ART1: variants seen among roughly 807,000 people sequenced by gnomAD.
ART1 encodes the protein ADP-ribosyltransferase 1, also known as GPI-linked NAD(P)(+)--arginine ADP-ribosyltransferase 1.
A neutral mutation model predicts 27.0 loss-of-function variants in ART1; 29 were observed. The observed-to-expected ratio is 1.08, with a 90% CI of 0.80 to 1.47. The LOEUF is 1.47. Ranked by LOEUF, ART1 falls within the 40% of genes most tolerant of loss-of-function variation. The pLI is 0.00. For missense variants in ART1, 480 were observed against 423.0 expected (o/e 1.13, Z -1.18); for synonymous variants, 201 against 172.2 (o/e 1.17, Z -1.31).
At chr11:3,658,403 G>A (rs1444871389) in intron 1 of ART1, among the ~76,000 whole-genome samples, 1 of 151,732 alleles carries the variant, frequency 6.6e-6, no homozygotes, top group Admixed American at 6.6e-5. Flanking sequence ...CCCAATGCCT[G>A]GACACCCTCT....
chr11:3,655,232 T>G lies in ART1; in HGVS notation c.-52-3930T>G, dbSNP rs186294544. Among the ~76,000 whole-genome samples, 27 of 152,304 alleles carry G rather than the reference T, an allele frequency of 1.8e-4. No homozygotes were observed. The East Asian group carries it at 4.4e-3, about 25-fold the overall frequency. On this transcript the variant is annotated intron_variant, in intron 1 of 4. Transcript: ENST00000250693. ...TCCAAAGAAAAGACTCTCAGTTTCCTTCCCCCAAAAGCAGACCCACAGACA... is the reference window on the plus strand; with the variant it reads ...TCCAAAGAAAAGACTCTCAGTTTCCGTCCCCCAAAAGCAGACCCACAGACA...
chr11:3,649,223 C>A lies in ART1; in HGVS notation c.-53+4044C>A, dbSNP rs192381775. Among the ~76,000 whole-genome samples the A allele has an allele frequency of 2.9e-3, 439 of 152,250 alleles. 1 individual carries two copies. Among genetic ancestry groups the A allele is most frequent in the African/African-American group, 0.01 (427 of 41,532 alleles). On this transcript the variant is annotated intron_variant, in intron 1 of 4. Transcript: ENST00000250693. ...AGCCTGTGCTCTCAAGAACTTAAAA[C>A]CTCTTCAACTCACACCTGACCTAAA...
intron 4 of ART1, 75 bp downstream of exon 4, chr11:3,661,488 ATC>A (rs2077620061): frequency 1.3e-4 from 48 of 365,674 alleles, no homozygotes; most frequent in Non-Finnish European, 1.8e-4. Flanking sequence ...CATCACCTCG[ATC>A]TTTTTTTTTT....
chr11:3,655,412 A>T (rs964273980), intron 1 of ART1: 12 of 152,236 alleles, frequency 7.9e-5, no homozygotes, highest in African/African-American at 2.9e-4. Context: ...TGGGACAGGA[A>T]GTCTGACTTC....
rs764347824 is a variant in ART1, at chr11:3,660,230, A to C, written c.711A>C (p.Gly237=). The C allele has an allele frequency of 6.2e-7, 1 of 1,613,910 alleles. No homozygotes were observed. Among genetic ancestry groups the C allele is most frequent in the Non-Finnish European group, 8.5e-7 (1 of 1,180,024 alleles). The change falls in exon 3 of 5, where the codon GGA becomes GGC. Residue 237 remains glycine, a synonymous_variant. Coordinates refer to ENST00000250693, the MANE Select transcript of ART1 (RefSeq NM_004314.3). ...TCAAGGGCTACTCCTTCTTCCCTGGAGAGGAAGAGGTGCTGATCCCCCCCT... is the reference window on the plus strand; with the variant it reads ...TCAAGGGCTACTCCTTCTTCCCTGGCGAGGAAGAGGTGCTGATCCCCCCCT... ...APIKGYSFFP[G]EEEVLIPPFE...
intron 3 of ART1, among the ~76,000 whole-genome samples, 174 bp downstream of exon 3, chr11:3,660,537 G>T (rs1263126570): frequency 6.6e-6 from 1 of 152,172 alleles, no homozygotes; most frequent in African/African-American, 2.4e-5. Flanking sequence ...CTTCTGAGGG[G>T]TGCACTTACT....
At chr11:3,659,409 C>G (rs2077599468) in intron 2 of ART1, 133 bp downstream of exon 2, 1 of 1,412,188 alleles carries the variant, frequency 7.1e-7, no homozygotes, top group African/African-American at 1.4e-5. Flanking sequence ...CCCAAGGGGA[C>G]AGCTCCAGAT....
intron 1 of ART1, among the ~76,000 whole-genome samples, chr11:3,647,596 T>A (rs1025025438): frequency 2.0e-5 from 3 of 152,070 alleles, no homozygotes; most frequent in Admixed American, 6.6e-5. Flanking sequence ...ATTGCACCAC[T>A]GCACTCCAGC....
Position 3,659,179 on chromosome 11 carries a change from CA to C in ART1, c.-30del. ...TTTTCCAGATGAGGAAACTGAGACCCAAAAAGAGACAGCAACTGGCCCAGGG... is the reference window on the plus strand; with the variant it reads ...TTTTCCAGATGAGGAAACTGAGACCCAAAAGAGACAGCAACTGGCCCAGGG... On this transcript the variant is annotated 5_prime_UTR_variant, in exon 2 of 5. Coordinates refer to ENST00000250693, the MANE Select transcript of ART1 (RefSeq NM_004314.3). 1 of 1,610,554 alleles carries C rather than the reference CA, an allele frequency of 6.2e-7. No individual in the cohort carries two copies. The highest frequency in any genetic ancestry group is 8.5e-7 in the Non-Finnish European group (1 of 1,177,068).
intron 1 of ART1, among the ~76,000 whole-genome samples, chr11:3,657,404 A>G (rs930687121): frequency 6.6e-6 from 1 of 151,910 alleles, no homozygotes; most frequent in African/African-American, 2.4e-5. Flanking sequence ...GCAAAACCCC[A>G]CCTCTACAAA....
intron 1 of ART1, among the ~76,000 whole-genome samples, chr11:3,652,466 A>G (rs990689729): frequency 6.6e-6 from 1 of 151,838 alleles, no homozygotes; most frequent in African/African-American, 2.4e-5. Flanking sequence ...TCTTTTAAAA[A>G]CACACCTCAT....
In ART1 at chr11:3,659,811, C is replaced by T. The variant is rs550222266; in HGVS notation, c.292C>T (p.Leu98Phe). 2.9e-4 allele frequency: 466 copies of T among 1,612,452 alleles called. 3 individuals are homozygous for T. In the South Asian group the frequency reaches 4.9e-3, roughly 17 times the overall value. Residue 98 changes from leucine to phenylalanine, a missense_variant, in exon 3 of 5, where the codon CTC becomes TTC. Leu to Phe is a conservative substitution (Grantham distance 22). Transcript: ENST00000250693. ...ERQARWPEWS[L>F]SPTRPSPPPL... ...TCAGGCCAGGTGGCCAGAGTGGAGT[C>T]TCAGCCCCACCCGTCCATCCCCGCC...
rs1038529354 is a variant in ART1, at chr11:3,653,008, G to A, written c.-52-6154G>A. Among the ~76,000 whole-genome samples, 8 of 147,498 alleles carry A rather than the reference G, an allele frequency of 5.4e-5. No individual in the cohort carries two copies. In the East Asian group the frequency reaches 1.2e-3, roughly 22 times the overall value. On this transcript the variant is annotated intron_variant, in intron 1 of 4. Transcript: ENST00000250693. ...CAGGCCATCACCAATAATTCTACAC[G>A]ACAAATGTTTCTTCTAACAACCCCA... is the stretch of plus-strand genomic sequence containing the variant.
At chr11:3,662,334 A>C (rs947884812) in intron 4 of ART1, among the ~76,000 whole-genome samples, 1 of 152,118 alleles carries the variant, frequency 6.6e-6, no homozygotes, top group Non-Finnish European at 1.5e-5. Flanking sequence ...CCAGGCCACC[A>C]TGTTTCTAGG....
chr11:3,661,225 GGAGGTTCCACCAT>G, intron 3 of ART1, 134 bp from the exon 4 acceptor site: 1 of 663,052 alleles, frequency 1.5e-6, no homozygotes, highest in South Asian at 2.2e-5. Context: ...CCTAGTCAAG[GGAGGTTCCACCAT>G]GAAAGAGCAG....
At chr11:3,657,049 C>T (rs2077581057) in intron 1 of ART1, among the ~76,000 whole-genome samples, 2 of 152,084 alleles carry the variant, frequency 1.3e-5, no homozygotes, top group African/African-American at 4.8e-5. Flanking sequence ...ACATAGAATC[C>T]CAGTGTCTTA....
Position 3,659,909 on chromosome 11 carries a change from G to C in ART1, c.390G>C (p.Glu130Asp), listed in dbSNP as rs1415679215. ...CAGCCAACAGCCCCCTGCACAAGGAGTTCAATGCAGCCGTGCGTGAGGCGG... is the reference window on the plus strand; with the variant it reads ...CAGCCAACAGCCCCCTGCACAAGGACTTCAATGCAGCCGTGCGTGAGGCGG... The part of the protein sequence containing the change: ...AYTANSPLHK[E>D]FNAAVREAGR... The change falls in exon 3 of 5, where the codon GAG becomes GAC. Residue 130 changes from glutamate (E) to aspartate (D), a missense_variant. By Grantham distance (45) the Glu-to-Asp change is conservative. Transcript: ENST00000250693. 1 of 1,613,060 alleles carries C rather than the reference G, an allele frequency of 6.2e-7. No homozygotes were observed. The highest frequency in any genetic ancestry group is 1.3e-5 in the African/African-American group (1 of 74,950).
intron 1 of ART1, among the ~76,000 whole-genome samples, chr11:3,653,268 G>A (rs1445296433): frequency 1.3e-5 from 2 of 148,752 alleles, no homozygotes; most frequent in Admixed American, 1.3e-4. Context: ...CATGTCCCCT[G>A]TGACCTGCAC....
In ART1 at chr11:3,662,298, C is replaced by T. The variant is rs953424466; in HGVS notation, c.886+885C>T. On this transcript the variant is annotated intron_variant, in intron 4 of 4. Transcript: ENST00000250693. ...CCCAGCTATGACTCTTCTCTTCCCT[C>T]GGACACTTGGTGTGCCAAGGCCTAC... Among the ~76,000 whole-genome samples the T allele has an allele frequency of 5.3e-5, 8 of 152,212 alleles. No homozygotes were observed. In the East Asian group the frequency reaches 7.7e-4, roughly 15 times the overall value.
Sources: allele counts gnomAD v4.1 joint callset (sites outside exome capture counted in the v4.1 genomes callset), GRCh38; gene constraint gnomAD v4.1.1; transcripts MANE v1.5; gene names NCBI Gene and HGNC (gene_info 2026-07-23, HGNC 2026-07-21).